Variants in SGCZ observed in about 807,000 individuals in gnomAD.
SGCZ encodes sarcoglycan zeta.
SGCZ carries 40 observed loss-of-function variants against 41.3 expected under a neutral mutation model. That is an observed-to-expected ratio of 0.97 (90% CI 0.75 to 1.26). The LOEUF (loss-of-function observed/expected upper bound fraction) is 1.26. SGCZ is among the 50% of genes most tolerant of loss of function. The pLI, the probability that SGCZ is intolerant of heterozygous loss-of-function variation, is 0.00. For missense variants in SGCZ, 552 were observed against 369.8 expected, an observed-to-expected ratio of 1.49 and a Z score of -4.04; for synonymous variants, 206 against 137.5, an observed-to-expected ratio of 1.50 and a Z score of -3.49.
chr8:14,209,442 C>T (rs1336908350), intron 4 of SGCZ, among the ~76,000 whole-genome samples: 2 of 151,962 alleles, frequency 1.3e-5, no homozygotes, highest in African/African-American at 4.8e-5. Flanking sequence ...TGGGTATATA[C>T]CCCAGACAAC....
rs1278392184 is a variant in SGCZ, at chr8:14,264,313, G to A, written c.337-26634C>T. ...GGAGGTTGAAAGAAAACATAGCCTT[G>A]GAGACCAGCATCGGGTCCTTCACAA... On this transcript the variant is annotated intron_variant, in intron 3 of 7. Coordinates refer to ENST00000382080, the MANE Select transcript of SGCZ (RefSeq NM_139167.4). Among the ~76,000 whole-genome samples the A allele has an allele frequency of 2.0e-5, 3 of 152,128 alleles. No individual in the cohort carries two copies. The East Asian group carries it at 5.8e-4, about 29-fold the overall frequency.
At chr8:14,335,848 A>C (rs187974558) in intron 2 of SGCZ, among the ~76,000 whole-genome samples, 186 of 152,238 alleles carry the variant, frequency 1.2e-3, no homozygotes, top group Non-Finnish European at 1.5e-3. Context: ...TCAGGTTATA[A>C]GCTTATTGCA....
In SGCZ at chr8:14,309,420, T is replaced by C; in HGVS notation, c.336+14683A>G. 2.5e-6 allele frequency: 4 copies of C among 1,606,926 alleles called. No homozygotes were observed. In the South Asian group the frequency reaches 3.3e-5, roughly 13 times the overall value. On this transcript the variant is annotated intron_variant, in intron 3 of 7. Coordinates refer to ENST00000382080, the MANE Select transcript of SGCZ (RefSeq NM_139167.4). Reference sequence around the variant, plus strand: ...CTCGATCGCTTTTGGCTAGAGACACTTCTGTGCCTTATTGGACAATCTTCT... The same window carrying C: ...CTCGATCGCTTTTGGCTAGAGACACCTCTGTGCCTTATTGGACAATCTTCT...
chr8:14,213,347 G>A (rs1291340891), intron 4 of SGCZ, among the ~76,000 whole-genome samples: 1 of 152,016 alleles, frequency 6.6e-6, no homozygotes, highest in African/African-American at 2.4e-5. Flanking sequence ...AATTTGTATG[G>A]CAGCCAATTT....
intron 1 of SGCZ, among the ~76,000 whole-genome samples, chr8:14,836,586 TCTC>T (rs1802710159): frequency 6.6e-6 from 1 of 152,106 alleles, no homozygotes; most frequent in South Asian, 2.1e-4. Context: ...GCAACCTTCA[TCTC>T]CTGGGTTCAA....
chr8:14,800,722 C>A (rs1288190470), intron 1 of SGCZ, among the ~76,000 whole-genome samples: 3 of 152,138 alleles, frequency 2.0e-5, no homozygotes, highest in Non-Finnish European at 4.4e-5. Context: ...CCTGAGGCCT[C>A]CCCAGCCATA....
intron 2 of SGCZ, among the ~76,000 whole-genome samples, chr8:14,378,982 T>G (rs922157256): frequency 1.3e-5 from 2 of 152,208 alleles, no homozygotes; most frequent in South Asian, 2.1e-4. Flanking sequence ...GATGCTTTCT[T>G]ACGTAATATA....
intron 2 of SGCZ, among the ~76,000 whole-genome samples, chr8:14,497,069 T>G (rs6530781): frequency 2.4e-4 from 36 of 151,862 alleles, no homozygotes; most frequent in African/African-American, 8.5e-4. Flanking sequence ...AATTCACTTC[T>G]GTAAATAGCC....
At chr8:14,525,710 T>C (rs1027556189) in intron 2 of SGCZ, among the ~76,000 whole-genome samples, 3 of 152,062 alleles carry the variant, frequency 2.0e-5, no homozygotes, top group African/African-American at 7.2e-5. Context: ...AGAAGAAGTA[T>C]TGTCTTCAAG....
chr8:15,056,035 T>C (rs1302280385), intron 1 of SGCZ, among the ~76,000 whole-genome samples: 5 of 152,254 alleles, frequency 3.3e-5, no homozygotes, highest in Non-Finnish European at 7.3e-5. Context: ...TGTTCATTTT[T>C]AAATCTGTTT....
At chr8:14,263,364 C>G (rs1405527011) in intron 3 of SGCZ, among the ~76,000 whole-genome samples, 1 of 152,070 alleles carries the variant, frequency 6.6e-6, no homozygotes, top group African/African-American at 2.4e-5. Context: ...GCCTGGCCAA[C>G]ATGATGAAAC....
In SGCZ at chr8:14,542,899, C is replaced by CT. The variant is rs1250242062; in HGVS notation, c.234+11832dup. Among the ~76,000 whole-genome samples the CT allele has an allele frequency of 2.6e-5, 4 of 151,582 alleles. No homozygotes were observed. In the East Asian group the frequency reaches 5.8e-4, roughly 22 times the overall value. ...TATCCAATGAGTTAGCTACTATTAC[C>CT]TTTTTTTTAACAAATGAAGTTAATA... On this transcript the variant is annotated intron_variant, in intron 2 of 7. Transcript: ENST00000382080.
intron 3 of SGCZ, among the ~76,000 whole-genome samples, chr8:14,240,004 T>C (rs1012093956): frequency 1.3e-5 from 2 of 151,468 alleles, no homozygotes; most frequent in Non-Finnish European, 2.9e-5. Flanking sequence ...ATAGTTTACT[T>C]AATTTAAAAG....
chr8:15,196,085 G>T (rs973479219), intron 1 of SGCZ, among the ~76,000 whole-genome samples: 1 of 140,424 alleles, frequency 7.1e-6, no homozygotes, highest in South Asian at 2.3e-4. Context: ...TTTTAGTAGA[G>T]ACGGGGTTTC....
intron 1 of SGCZ, among the ~76,000 whole-genome samples, chr8:14,904,239 G>A (rs1481511156): frequency 6.6e-6 from 1 of 152,052 alleles, no homozygotes; most frequent in Admixed American, 6.6e-5. Flanking sequence ...TTCTTCCTTT[G>A]GGAAAATACG....
chr8:14,665,759 A>G (rs2117494937), intron 1 of SGCZ, among the ~76,000 whole-genome samples: 1 of 152,272 alleles, frequency 6.6e-6, no homozygotes, highest in Middle Eastern at 3.4e-3. Context: ...TTCTTCTTCT[A>G]TTCTTCTAAT....
At chr8:14,714,664 C>T (rs377191618) in intron 1 of SGCZ, among the ~76,000 whole-genome samples, 2 of 151,514 alleles carry the variant, frequency 1.3e-5, no homozygotes, top group East Asian at 3.9e-4. Flanking sequence ...TGTAAAATAT[C>T]CAAGAGAAAA....
intron 1 of SGCZ, among the ~76,000 whole-genome samples, chr8:14,647,552 C>T (rs891505044): frequency 9.9e-5 from 15 of 151,880 alleles, no homozygotes; most frequent in Admixed American, 6.6e-4. Context: ...CGCAATGGTA[C>T]GAGCCTTCTT....
intron 1 of SGCZ, among the ~76,000 whole-genome samples, chr8:14,994,032 C>T (rs572422852): frequency 3.3e-4 from 50 of 152,142 alleles, no homozygotes; most frequent in African/African-American, 1.1e-3. Flanking sequence ...GGGCTGGATG[C>T]GAGTCATGGC....
Sources: allele counts gnomAD v4.1 joint callset (sites outside exome capture counted in the v4.1 genomes callset), GRCh38; gene constraint gnomAD v4.1.1; transcripts MANE v1.5; gene names NCBI Gene and HGNC (gene_info 2026-07-23, HGNC 2026-07-21).